Variants in SPAG16 observed in about 807,000 individuals in gnomAD.
SPAG16 encodes the protein sperm-associated antigen 16 protein.
SPAG16 carries 86 observed loss-of-function variants against 80.4 expected under a neutral mutation model. That is an observed-to-expected ratio of 1.07 (90% confidence interval 0.90 to 1.28). The LOEUF (loss-of-function observed/expected upper bound fraction) is 1.28. Ranked by LOEUF, SPAG16 falls within the 50% of genes most tolerant of loss-of-function variation. The pLI, the probability that SPAG16 is intolerant of heterozygous loss-of-function variation, is 0.00. For synonymous variants in SPAG16, 294 were observed against 265.9 expected, an observed-to-expected ratio of 1.11 and a Z score of -1.03; for missense variants, 870 against 765.3, an observed-to-expected ratio of 1.14 and a Z score of -1.61.
chr2:213,524,287 G>A (rs1179291320), intron 10 of SPAG16, among the ~76,000 whole-genome samples: 1 of 152,220 alleles, frequency 6.6e-6, no homozygotes, highest in Non-Finnish European at 1.5e-5. Flanking sequence ...CCTCTAACTG[G>A]ATTTCAGAGT....
At chr2:213,591,705 G>A (rs1285827515) in intron 10 of SPAG16, among the ~76,000 whole-genome samples, 2 of 152,176 alleles carry the variant, frequency 1.3e-5, no homozygotes, top group Non-Finnish European at 2.9e-5. Flanking sequence ...TATAGCCAAG[G>A]AACAGTGTGT....
At chr2:214,242,854 C>A (rs114341626) in intron 15 of SPAG16, among the ~76,000 whole-genome samples, 1 of 152,074 alleles carries the variant, frequency 6.6e-6, no homozygotes, top group Non-Finnish European at 1.5e-5. Context: ...TAAATGTGAT[C>A]TATTAACTAT....
intron 15 of SPAG16, among the ~76,000 whole-genome samples, chr2:214,177,965 G>GTGTA (rs1254902794): frequency 2.1e-4 from 6 of 28,362 alleles, no homozygotes; most frequent in East Asian, 7.9e-4. Context: ...ACTTCACAAA[G>GTGTA]TGTATGTATA....
chr2:213,468,401 A>C (rs1370936478), intron 9 of SPAG16, among the ~76,000 whole-genome samples: 18 of 144,926 alleles, frequency 1.2e-4, no homozygotes, highest in African/African-American at 2.0e-4. Flanking sequence ...ATATATATAT[A>C]TCTATGTATT....
intron 15 of SPAG16, among the ~76,000 whole-genome samples, chr2:214,246,920 G>T (rs931883693): frequency 1.5e-4 from 23 of 152,012 alleles, no homozygotes; most frequent in African/African-American, 5.3e-4. Context: ...TTTTGTCAGA[G>T]ATATGTTAGT....
At chr2:213,338,954 C>G (rs1238035698) in intron 5 of SPAG16, among the ~76,000 whole-genome samples, 1 of 151,394 alleles carries the variant, frequency 6.6e-6, no homozygotes, top group Non-Finnish European at 1.5e-5. Context: ...TTGATAGGTG[C>G]AGTAAACCAC....
intron 15 of SPAG16, among the ~76,000 whole-genome samples, chr2:214,248,682 T>C (rs78947950): frequency 0.12 from 17,515 of 152,076 alleles, 1,236 homozygotes; most frequent in Middle Eastern, 0.2. Flanking sequence ...CCTCCTGAGA[T>C]TTTAATTTTA....
chr2:213,959,326 A>G (rs554566795), intron 12 of SPAG16, among the ~76,000 whole-genome samples: 38 of 152,290 alleles, frequency 2.5e-4, no homozygotes, highest in African/African-American at 8.7e-4. Flanking sequence ...TTTGTGTAAT[A>G]TAGTCACCAC....
rs1020551170 is a variant in SPAG16 at position 213,504,630 on chromosome 2, G to A, written c.1070+14540G>A. ...GATCCACTTGAAGTTTGAAAAGGGG[G>A]CAATTTAAAACAACTAGCAAGAATT... On this transcript the variant is annotated intron_variant, in intron 10 of 15. Coordinates refer to ENST00000331683, the MANE Select transcript of SPAG16 (RefSeq NM_024532.5). Among the ~76,000 whole-genome samples, 4 of 152,114 alleles carry A rather than the reference G, an allele frequency of 2.6e-5. No individual in the cohort carries two copies. In the South Asian group the frequency reaches 8.3e-4, roughly 31 times the overall value.
chr2:214,154,365 A>G (rs566713575), intron 15 of SPAG16, among the ~76,000 whole-genome samples: 1 of 152,302 alleles, frequency 6.6e-6, no homozygotes, highest in South Asian at 2.1e-4. Flanking sequence ...ACTTTCCAGT[A>G]GAAAGCTTAT....
intron 15 of SPAG16, among the ~76,000 whole-genome samples, chr2:214,291,599 C>A (rs1693810798): frequency 6.6e-6 from 1 of 152,116 alleles, no homozygotes; most frequent in Non-Finnish European, 1.5e-5. Flanking sequence ...GCCACCGCGC[C>A]CGGCCTAGAT....
At chr2:213,769,983 T>C (rs1299788530) in intron 10 of SPAG16, among the ~76,000 whole-genome samples, 1 of 152,208 alleles carries the variant, frequency 6.6e-6, no homozygotes. Context: ...AAACTTCATA[T>C]AAATAGAAGC....
intron 10 of SPAG16, among the ~76,000 whole-genome samples, chr2:213,856,789 C>G (rs1379793578): frequency 3.3e-5 from 5 of 152,124 alleles, no homozygotes; most frequent in Non-Finnish European, 5.9e-5. Context: ...GGGCCTGGCT[C>G]ATGAAACCAT....
At chr2:213,368,968 C>G (rs1226662513) in intron 8 of SPAG16, among the ~76,000 whole-genome samples, 1 of 152,014 alleles carries the variant, frequency 6.6e-6, no homozygotes, top group Non-Finnish European at 1.5e-5. Flanking sequence ...GAATCAATAT[C>G]ATGATAATGG....
At chr2:213,457,778 T>C (rs1320499471) in intron 9 of SPAG16, among the ~76,000 whole-genome samples, 1 of 152,200 alleles carries the variant, frequency 6.6e-6, no homozygotes, top group African/African-American at 2.4e-5. Flanking sequence ...AGCATACTTA[T>C]TTTGATTAGA....
intron 15 of SPAG16, among the ~76,000 whole-genome samples, chr2:214,209,548 C>T (rs527550532): frequency 6.6e-6 from 1 of 152,296 alleles, no homozygotes; most frequent in Non-Finnish European, 1.5e-5. Flanking sequence ...TGCTCTTGCT[C>T]TTCAACATCT....
chr2:213,867,926 C>CAAAAAAAAAAA (rs35795865), intron 11 of SPAG16, among the ~76,000 whole-genome samples: 9 of 45,884 alleles, frequency 2.0e-4, no homozygotes, highest in Admixed American at 6.0e-4. Context: ...TCTGTCTCAA[C>CAAAAAAAAAAA]AAAAAAAAAA....
At chr2:213,347,823 G>A (rs1192777591) in intron 6 of SPAG16, among the ~76,000 whole-genome samples, 1 of 152,154 alleles carries the variant, frequency 6.6e-6, no homozygotes, top group Non-Finnish European at 1.5e-5. Flanking sequence ...GTCAGTTTTG[G>A]AATAAGTACG....
intron 13 of SPAG16, among the ~76,000 whole-genome samples, chr2:214,052,479 A>T (rs1575987771): frequency 6.6e-6 from 1 of 152,074 alleles, no homozygotes. Flanking sequence ...TACCTGCAAA[A>T]CTCTGACTTG....
Sources: allele counts gnomAD v4.1 joint callset (sites outside exome capture counted in the v4.1 genomes callset), GRCh38; gene constraint gnomAD v4.1.1; transcripts MANE v1.5; gene names NCBI Gene and HGNC (gene_info 2026-07-23, HGNC 2026-07-21).